AGAP1: variants seen among roughly 807,000 people sequenced by gnomAD.
The protein encoded by AGAP1 is ArfGAP with GTPase domain, ankyrin repeat and PH domain 1.
In AGAP1, 29 loss-of-function variants were observed where a neutral mutation model predicts 105.3. The ratio of observed to expected loss-of-function variants is 0.28; its 90% confidence interval spans 0.21 to 0.38. AGAP1 has a LOEUF of 0.38. Ranked by LOEUF, AGAP1 falls within the 10% of genes least tolerant of loss-of-function variation. The probability of loss-of-function intolerance (pLI) is 1.00; values close to 1 mark genes in which losing one functional copy is unlikely to be tolerated. For synonymous variants in AGAP1, 509 were observed against 485.9 expected, an observed-to-expected ratio of 1.05 and a Z score of -0.63; for missense variants, 998 against 1,165.1, an observed-to-expected ratio of 0.86 and a Z score of 2.09.
At chr2:235,571,886 C>T (rs1055661523) in intron 1 of AGAP1, among the ~76,000 whole-genome samples, 4 of 149,972 alleles carry the variant, frequency 2.7e-5, no homozygotes, top group African/African-American at 4.9e-5. Flanking sequence ...GCGTTTGCCA[C>T]CACATCCAGC....
At chr2:235,990,678 T>C (rs1310884108) in intron 13 of AGAP1, among the ~76,000 whole-genome samples, 2 of 152,168 alleles carry the variant, frequency 1.3e-5, no homozygotes, top group Non-Finnish European at 2.9e-5. Flanking sequence ...GTGTCAATTT[T>C]ACTCCATCTG....
At chr2:235,650,103 T>C (rs1947531494) in intron 1 of AGAP1, among the ~76,000 whole-genome samples, 1 of 152,232 alleles carries the variant, frequency 6.6e-6, no homozygotes, top group African/African-American at 2.4e-5. Context: ...GGCTCACGCC[T>C]GAAATCCCAG....
chr2:235,772,512 CT>C (rs1955539226), intron 6 of AGAP1, among the ~76,000 whole-genome samples: 1 of 152,198 alleles, frequency 6.6e-6, no homozygotes, highest in Non-Finnish European at 1.5e-5. Context: ...TAGGTTATGG[CT>C]TGTGGATGGA....
rs1559351207 is a variant in AGAP1 at position 235,686,658 on chromosome 2, TATATATA to T, written c.164-22520_164-22514del. 1.3e-3 allele frequency among the ~76,000 whole-genome samples: 74 copies of T among 58,774 alleles called. 2 individuals are homozygous for T. The highest frequency in any genetic ancestry group is 9.6e-3 in the Middle Eastern group (1 of 104). 38.6% of individuals were successfully genotyped at this position (58,774 alleles called of 152,430 possible). On this transcript the variant is annotated intron_variant, in intron 1 of 17. Transcript: ENST00000304032. Reference sequence around the variant, plus strand: ...ATATATATATATAGATATATATATATATATATATTTTTTTTTTTTTTTAGACAGAGTC... The same window carrying T: ...ATATATATATATAGATATATATATATTTTTTTTTTTTTTTTAGACAGAGTC...
chr2:235,529,162 C>G (rs920616446), intron 1 of AGAP1, among the ~76,000 whole-genome samples: 1 of 152,188 alleles, frequency 6.6e-6, no homozygotes, highest in African/African-American at 2.4e-5. Flanking sequence ...TGTGACAGAG[C>G]CCCTGTGGCC....
At chr2:235,547,470 T>G (rs1343634178) in intron 1 of AGAP1, among the ~76,000 whole-genome samples, 5 of 151,666 alleles carry the variant, frequency 3.3e-5, no homozygotes, top group Non-Finnish European at 7.4e-5. Flanking sequence ...GCGATTCTCC[T>G]GCCTTAGCCT....
Position 235,734,774 on chromosome 2 carries a change from G to T in AGAP1, c.311-6189G>T, listed in dbSNP as rs867347340. On this transcript the variant is annotated intron_variant, in intron 3 of 17. Transcript: ENST00000304032. The surrounding 1 kb of genome is among the most constrained non-coding windows in gnomAD (Gnocchi z 5.3). The stretch of plus-strand genomic sequence containing the variant: ...AAACGCAGCAAACACGGAGGCTGCC[G>T]GCTTTGTTTCTGTAGGGCTTGTCTT... Among the ~76,000 whole-genome samples the T allele has an allele frequency of 1.3e-5, 2 of 152,330 alleles. No individual in the cohort carries two copies. Among genetic ancestry groups the T allele is most frequent in the Middle Eastern group, 6.8e-3 (2 of 294 alleles).
chr2:235,616,313 A>G (rs1223676418), intron 1 of AGAP1, among the ~76,000 whole-genome samples: 1 of 151,628 alleles, frequency 6.6e-6, no homozygotes, highest in Non-Finnish European at 1.5e-5. Context: ...GTGAGCCAAG[A>G]GTGCGCCACT....
At chr2:235,711,838 T>C (rs572243458) in intron 2 of AGAP1, among the ~76,000 whole-genome samples, 3 of 152,262 alleles carry the variant, frequency 2.0e-5, no homozygotes, top group Admixed American at 6.5e-5. Flanking sequence ...GGTGGCACTT[T>C]AGGTCAGCGT....
rs907104985 is a variant in AGAP1 at position 235,535,023 on chromosome 2, C to G, written c.163+40174C>G. Among the ~76,000 whole-genome samples, 6 of 152,170 alleles carry G rather than the reference C, an allele frequency of 3.9e-5. No individual in the cohort carries two copies. The highest frequency in any genetic ancestry group is 7.2e-5 in the African/African-American group (3 of 41,442). On this transcript the variant is annotated intron_variant, in intron 1 of 17. Coordinates refer to ENST00000304032, the MANE Select transcript of AGAP1 (RefSeq NM_001037131.3). The surrounding 1 kb of genome is among the most constrained non-coding windows in gnomAD (Gnocchi z 5.1). Reference sequence around the variant, plus strand: ...GGATGCTTTTTTCCTCCAAATGCCTCTCACCTATTCCCAGATACTCGCTGG... The same window carrying G: ...GGATGCTTTTTTCCTCCAAATGCCTGTCACCTATTCCCAGATACTCGCTGG...
chr2:236,037,557 T>C (rs2057420147), intron 14 of AGAP1, among the ~76,000 whole-genome samples: 1 of 152,118 alleles, frequency 6.6e-6, no homozygotes, highest in Non-Finnish European at 1.5e-5. Flanking sequence ...GCTTATTTAT[T>C]TGTATATTTA....
chr2:235,943,297 C>T (rs543723165), intron 12 of AGAP1, among the ~76,000 whole-genome samples: 5 of 152,044 alleles, frequency 3.3e-5, no homozygotes, highest in African/African-American at 1.2e-4. Flanking sequence ...TTTTTCATTT[C>T]CTCCCTCACT....
rs1243866895 is a variant in AGAP1 at position 235,586,205 on chromosome 2, A to G, written c.163+91356A>G. Among the ~76,000 whole-genome samples, 4 of 152,206 alleles carry G rather than the reference A, an allele frequency of 2.6e-5. No individual in the cohort carries two copies. The East Asian group carries it at 7.7e-4, about 29-fold the overall frequency. ...CTTGTGTGTGTGCGCATACACACAA[A>G]GAGGGTGAGCCCTCAGCCCGCCATA... On this transcript the variant is annotated intron_variant, in intron 1 of 17. Transcript: ENST00000304032. This position sits in a 1 kb window ranked among gnomAD's most constrained non-coding sequence, Gnocchi z 4.2.
intron 1 of AGAP1, among the ~76,000 whole-genome samples, chr2:235,619,550 G>C (rs113334816): frequency 1.3e-5 from 2 of 151,786 alleles, no homozygotes; most frequent in African/African-American, 2.4e-5. Context: ...GGGCTGAAGT[G>C]GGGGAGCTGG....
At position 235,719,610 on chromosome 2, in the gene AGAP1, G is replaced by C; in HGVS notation, c.310+1966G>C. Among the ~76,000 whole-genome samples, 1 of 152,176 alleles carries C rather than the reference G, an allele frequency of 6.6e-6. No homozygotes were observed. The highest frequency in any genetic ancestry group is 1.5e-5 in the Non-Finnish European group (1 of 68,032). ...AAAAATACATTATTTTTAAGAGTAG[G>C]AGCGTGGGTGAGTACCTTCCTTTCT... is the stretch of plus-strand genomic sequence containing the variant. On this transcript the variant is annotated intron_variant, in intron 3 of 17. Transcript: ENST00000304032. The surrounding 1 kb of genome is among the most constrained non-coding windows in gnomAD (Gnocchi z 4.9).
Position 236,027,747 on chromosome 2 carries a change from C to T in AGAP1, c.1646-8814C>T, listed in dbSNP as rs1366277862. Among the ~76,000 whole-genome samples, 3 of 152,098 alleles carry T rather than the reference C, an allele frequency of 2.0e-5. No individual in the cohort carries two copies. The highest frequency in any genetic ancestry group is 4.4e-5 in the Non-Finnish European group (3 of 68,016). On this transcript the variant is annotated intron_variant, in intron 13 of 17. Coordinates refer to ENST00000304032, the MANE Select transcript of AGAP1 (RefSeq NM_001037131.3). This position sits in a 1 kb window ranked among gnomAD's most constrained non-coding sequence, Gnocchi z 4.4. ...GATGAACCATCTGGTCAAAACAGAA[C>T]AGAAACCCCAAAGAGCTGTTCATCG...
chr2:235,833,758 A>G (rs1348976936), intron 9 of AGAP1, among the ~76,000 whole-genome samples: 1 of 151,968 alleles, frequency 6.6e-6, no homozygotes, highest in African/African-American at 2.4e-5. Flanking sequence ...GGGATCACAC[A>G]CTTACATGTG....
chr2:235,928,778 G>A (rs1373192310), intron 11 of AGAP1, among the ~76,000 whole-genome samples: 1 of 152,206 alleles, frequency 6.6e-6, no homozygotes, highest in Non-Finnish European at 1.5e-5. Flanking sequence ...GACAGCCACA[G>A]GGTGGCTTCG....
rs369912369 is a variant in AGAP1, at chr2:235,627,003, T to C, written c.164-82176T>C. 3.3e-5 allele frequency among the ~76,000 whole-genome samples: 5 copies of C among 152,086 alleles called. No individual in the cohort carries two copies. The East Asian group carries it at 9.7e-4, about 29-fold the overall frequency. The stretch of plus-strand genomic sequence containing the variant: ...AGCGCATAGATATGTTGGGTTTATT[T>C]TCACTGTTCACATAACGTAAGTTTG... On this transcript the variant is annotated intron_variant, in intron 1 of 17. Transcript: ENST00000304032.
Sources: allele counts gnomAD v4.1 joint callset (sites outside exome capture counted in the v4.1 genomes callset), GRCh38; gene constraint gnomAD v4.1.1; non-coding constraint Gnocchi (gnomAD v3.1); transcripts MANE v1.5; gene names NCBI Gene and HGNC (gene_info 2026-07-23, HGNC 2026-07-21).